The following MYO18B variants were observed in gnomAD, a reference collection of about 807,000 sequenced individuals.
MYO18B encodes myosin XVIIIB.
In MYO18B, 204 loss-of-function variants were observed where a neutral mutation model predicts 273.0. That is an observed-to-expected ratio of 0.75 (90% CI 0.67 to 0.84). MYO18B has a LOEUF of 0.84. Ranked by LOEUF, MYO18B falls within the 40% of genes least tolerant of loss-of-function variation. The pLI is 0.00. For synonymous variants in MYO18B, 1,330 were observed against 1,305.7 expected (o/e 1.02, Z -0.40); for missense variants, 3,212 against 3,287.6 (o/e 0.98, Z 0.56).
chr22:26,007,233 A>G (rs1412305804), intron 42 of MYO18B, among the ~76,000 whole-genome samples: 4 of 152,198 alleles, frequency 2.6e-5, no homozygotes, highest in Admixed American at 2.6e-4. Context: ...TGCTCAATAA[A>G]TGTTTGTTGA....
intron 12 of MYO18B, among the ~76,000 whole-genome samples, chr22:25,805,048 G>GCCTCC (rs1434353536): frequency 1.3e-5 from 2 of 152,154 alleles, no homozygotes; most frequent in African/African-American, 4.8e-5. Flanking sequence ...GTCAAGTATG[G>GCCTCC]CCTCCCCTTT....
intron 42 of MYO18B, among the ~76,000 whole-genome samples, chr22:26,013,337 C>T (rs1935061058): frequency 2.6e-5 from 4 of 152,130 alleles, no homozygotes; most frequent in Admixed American, 2.6e-4. Flanking sequence ...GGACAGGCCA[C>T]ATAGAATTAT....
At chr22:25,771,045 C>T in intron 6 of MYO18B, 61 bp downstream of exon 6, 1 of 1,156,614 alleles carries the variant, frequency 8.6e-7, no homozygotes, top group Non-Finnish European at 1.3e-6. Flanking sequence ...ACCCCAGCTC[C>T]ATACCCTCCT....
the MYO18B span, among the ~76,000 whole-genome samples, chr22:26,041,749 G>T: frequency 1.3e-5 from 2 of 152,180 alleles, no homozygotes; most frequent in Non-Finnish European, 2.9e-5. Flanking sequence ...GACCAGAGTG[G>T]TAGCAGTGCA....
chr22:25,978,280 G>T (rs2093114813), intron 39 of MYO18B, among the ~76,000 whole-genome samples: 1 of 152,180 alleles, frequency 6.6e-6, no homozygotes, highest in Non-Finnish European at 1.5e-5. Flanking sequence ...ATTATGGAAT[G>T]GGGTCTTGAT....
intron 10 of MYO18B, among the ~76,000 whole-genome samples, chr22:25,782,039 G>T (rs1293285036): frequency 6.6e-6 from 1 of 152,176 alleles, no homozygotes. Context: ...CCTGAGCCGC[G>T]GTTTCTTCCT....
At chr22:25,751,713 A>T (rs1193677826) in intron 1 of MYO18B, among the ~76,000 whole-genome samples, 2 of 152,196 alleles carry the variant, frequency 1.3e-5, no homozygotes, top group African/African-American at 4.8e-5. Flanking sequence ...CATGGATTTT[A>T]ATATAATGAA....
At chr22:25,758,099 C>T (rs528806561) in intron 1 of MYO18B, among the ~76,000 whole-genome samples, 11 of 152,232 alleles carry the variant, frequency 7.2e-5, no homozygotes, top group African/African-American at 1.7e-4. Context: ...CTGCAACCTC[C>T]GCCTCCCGGA....
Position 25,883,411 on chromosome 22 carries a change from A to C in MYO18B, c.4314+5363A>C, listed in dbSNP as rs556589016. The C allele has an allele frequency of 6.6e-6, 1 of 152,330 alleles. No homozygotes were observed. Among genetic ancestry groups the C allele is most frequent in the Non-Finnish European group, 1.5e-5 (1 of 68,024 alleles). 9.4% of individuals were successfully genotyped at this position (152,330 alleles called of 1,614,324 possible). Reference sequence around the variant, plus strand: ...CAGAATGCCCTGTAAGACTTCTCCGAATACAGATTGCTAGACTCCAGCCTT... The same window carrying C: ...CAGAATGCCCTGTAAGACTTCTCCGCATACAGATTGCTAGACTCCAGCCTT... On this transcript the variant is annotated intron_variant, in intron 25 of 43. Coordinates refer to ENST00000335473, the MANE Select transcript of MYO18B (RefSeq NM_032608.7). This position sits in a 1 kb window ranked among gnomAD's most constrained non-coding sequence, Gnocchi z 7.6.
chr22:25,891,467 C>A, intron 27 of MYO18B, 55 bp downstream of exon 27: 1 of 1,219,346 alleles, frequency 8.2e-7, no homozygotes, highest in Non-Finnish European at 1.2e-6. Context: ...TTGTCTTTCC[C>A]ATTTATTCAG....
chr22:25,859,213 A>G (rs1397163400), intron 21 of MYO18B, among the ~76,000 whole-genome samples: 1 of 152,234 alleles, frequency 6.6e-6, no homozygotes, highest in Non-Finnish European at 1.5e-5. Context: ...AATAATTGTT[A>G]AGATAAAATA....
At chr22:25,965,236 G>A (rs770410306) in intron 39 of MYO18B, among the ~76,000 whole-genome samples, 3 of 152,166 alleles carry the variant, frequency 2.0e-5, no homozygotes, top group South Asian at 2.1e-4. Flanking sequence ...TTCCACCTTC[G>A]GGGGAAAAGT....
intron 41 of MYO18B, among the ~76,000 whole-genome samples, chr22:26,003,686 G>A (rs1569285586): frequency 1.3e-5 from 2 of 152,102 alleles, no homozygotes; most frequent in Non-Finnish European, 2.9e-5. Flanking sequence ...GTACCTATGT[G>A]TACGTGATTC....
chr22:25,885,027 G>A (rs1013254093), intron 25 of MYO18B: 10 of 152,046 alleles, frequency 6.6e-5, no homozygotes, highest in Non-Finnish European at 8.8e-5. Flanking sequence ...ATGACATATC[G>A]TAGACAGTTT....
intron 39 of MYO18B, among the ~76,000 whole-genome samples, chr22:25,990,686 C>CAAAAAAAAAAAAAAAAAAAAAAAAA (rs745998234): frequency 1.5e-4 from 4 of 27,042 alleles, no homozygotes; most frequent in Non-Finnish European, 2.5e-4. Context: ...GACTTTGTCT[C>CAAAAAAAAAAAAAAAAAAAAAAAAA]AAAAAAAAAA....
chr22:25,931,185 C>T (rs2092494622), intron 34 of MYO18B, among the ~76,000 whole-genome samples: 1 of 152,130 alleles, frequency 6.6e-6, no homozygotes, highest in Non-Finnish European at 1.5e-5. Flanking sequence ...GTTAACATAA[C>T]CTCCTGTCGG....
intron 39 of MYO18B, among the ~76,000 whole-genome samples, chr22:25,989,413 C>G (rs1251928580): frequency 6.6e-6 from 1 of 152,080 alleles, no homozygotes; most frequent in Non-Finnish European, 1.5e-5. Context: ...GCCTCTGTGT[C>G]TTACAAAGAT....
intron 18 of MYO18B, among the ~76,000 whole-genome samples, 180 bp downstream of exon 18, chr22:25,844,074 C>A (rs1390265463): frequency 6.6e-6 from 1 of 152,172 alleles, no homozygotes; most frequent in East Asian, 1.9e-4. Flanking sequence ...CTCCCTGGGG[C>A]CAGAGTGAAT....
At chr22:25,773,297 TA>T (rs1240505752) in intron 7 of MYO18B, among the ~76,000 whole-genome samples, 4 of 152,056 alleles carry the variant, frequency 2.6e-5, no homozygotes, top group Admixed American at 6.5e-5. Context: ...GTTGCTGTTC[TA>T]GGAAGAAAAG....
Sources: gnomAD v4.1 joint callset for allele counts (sites outside exome capture counted in the v4.1 genomes callset) on GRCh38, gnomAD v4.1.1 for gene constraint, Gnocchi (gnomAD v3.1) non-coding constraint, MANE v1.5 for transcripts, NCBI Gene and HGNC (gene_info 2026-07-23, HGNC 2026-07-21) for gene names.